Variants in TEX10 observed in about 807,000 individuals in gnomAD.
The protein encoded by TEX10 is testis-expressed protein 10.
In TEX10, 24 loss-of-function variants were observed where a neutral mutation model predicts 104.4. The observed-to-expected ratio is 0.23, with a 90% CI of 0.17 to 0.32. The LOEUF (loss-of-function observed/expected upper bound fraction) is 0.32, where lower values mean the gene tolerates loss of function less well. Among genes scored for constraint, TEX10 ranks in the 10% least tolerant of loss-of-function variants. The pLI is 1.00. For missense variants in TEX10, 921 were observed against 1,083.9 expected, an observed-to-expected ratio of 0.85 and a Z score of 2.11; for synonymous variants, 396 against 393.4, an observed-to-expected ratio of 1.01 and a Z score of -0.08.
intron 9 of TEX10, among the ~76,000 whole-genome samples, chr9:100,324,739 A>C (rs1397204326): frequency 6.6e-6 from 1 of 152,224 alleles, no homozygotes; most frequent in Non-Finnish European, 1.5e-5. Flanking sequence ...CAATTTCAAG[A>C]AACATTCAAG....
intron 11 of TEX10, among the ~76,000 whole-genome samples, chr9:100,316,446 A>G (rs897754441): frequency 1.3e-5 from 2 of 152,230 alleles, no homozygotes; most frequent in Non-Finnish European, 2.9e-5. Context: ...AAAGTTGGAA[A>G]GATTTCTTGT....
intron 9 of TEX10, among the ~76,000 whole-genome samples, chr9:100,323,396 T>C (rs1325143016): frequency 6.6e-6 from 1 of 152,170 alleles, no homozygotes; most frequent in East Asian, 1.9e-4. Context: ...AACTTCTTGG[T>C]GCAAGCCAAT....
Position 100,320,282 on chromosome 9 carries a change from G to T in TEX10, c.2185C>A (p.His729Asn). 6.2e-7 allele frequency: 1 copy of T among 1,611,052 alleles called. No individual in the cohort carries two copies. The highest frequency in any genetic ancestry group is 8.5e-7 in the Non-Finnish European group (1 of 1,178,634). Residue 729 changes from histidine to asparagine, a missense_variant, in exon 11 of 15, where the codon CAC becomes AAC. Coordinates refer to ENST00000374902, the MANE Select transcript of TEX10 (RefSeq NM_017746.4). ...ACTATTACCTCTGTTACATCCCAGT[G>T]GTGTAAAAATTGATCCAAATCTGTA... The part of the protein sequence containing the change: ...YLTDLDQFLH[H>N]WDVTEAVFHS...
intron 5 of TEX10, among the ~76,000 whole-genome samples, chr9:100,333,628 C>A (rs1373598255): frequency 1.8e-5 from 2 of 113,760 alleles, no homozygotes; most frequent in African/African-American, 3.8e-5. Context: ...CATAAGAAGA[C>A]CCCATCATAA....
intron 5 of TEX10, among the ~76,000 whole-genome samples, chr9:100,339,294 T>TATATATATACAC (rs1835105936): frequency 8.0e-6 from 1 of 125,174 alleles, no homozygotes; most frequent in South Asian, 2.5e-4. Flanking sequence ...TATATATACA[T>TATATATATACAC]ATATATATAC....
chr9:100,337,768 T>C (rs1835048339), intron 5 of TEX10, among the ~76,000 whole-genome samples: 1 of 152,180 alleles, frequency 6.6e-6, no homozygotes, highest in Admixed American at 6.5e-5. Context: ...TTGTATGCTA[T>C]CTCCTCTAGT....
chr9:100,336,658 A>G (rs1439537681), intron 5 of TEX10, among the ~76,000 whole-genome samples: 1 of 152,202 alleles, frequency 6.6e-6, no homozygotes, highest in Non-Finnish European at 1.5e-5. Flanking sequence ...AATAAAGCGC[A>G]CAATAAATGT....
chr9:100,302,346 T>C lies in TEX10; in HGVS notation c.2677-42A>G, dbSNP rs773206028. The C allele has an allele frequency of 1.6e-5, 22 of 1,396,844 alleles. No individual in the cohort carries two copies. In the Admixed American group the frequency reaches 2.6e-4, roughly 16 times the overall value. The allele number at this position is 1,396,844 out of a possible 1,614,324, so 86.5% of individuals were successfully genotyped here. A position where few individuals can be genotyped will look rare whatever the true frequency, so the allele number is the denominator to read the frequency against. The stretch of plus-strand genomic sequence containing the variant: ...GAGTAATCTGAGAACTGCACCCAAA[T>C]CACTATGCTACCTGACAGTATTTTT... On this transcript the variant is annotated intron_variant, in intron 14 of 14. Coordinates refer to ENST00000374902, the MANE Select transcript of TEX10 (RefSeq NM_017746.4).
intron 4 of TEX10, among the ~76,000 whole-genome samples, chr9:100,345,346 A>G (rs1429837298): frequency 6.6e-6 from 1 of 152,232 alleles, no homozygotes; most frequent in Non-Finnish European, 1.5e-5. Flanking sequence ...GACTCATTCT[A>G]AACTTCAACT....
intron 5 of TEX10, 21 bp from the exon 6 acceptor site, chr9:100,330,190 A>C: frequency 2.0e-6 from 3 of 1,510,456 alleles, no homozygotes; most frequent in Non-Finnish European, 2.7e-6. Flanking sequence ...AGACACACAC[A>C]TCTATAAAGC....
Position 100,310,322 on chromosome 9 carries a change from G to C in TEX10, c.2260C>G (p.Gln754Glu). 1 of 1,614,112 alleles carries C rather than the reference G, an allele frequency of 6.2e-7. No individual in the cohort carries two copies. Among genetic ancestry groups the C allele is most frequent in the Non-Finnish European group, 8.5e-7 (1 of 1,180,002 alleles). Residue 754 changes from glutamine (Q) to glutamate (E), a missense_variant, in exon 12 of 15, where the codon CAA becomes GAA. Transcript: ENST00000374902. ...PARSQNFDILQSAISKHLVGL... is the reference protein window; with the variant it reads ...PARSQNFDILESAISKHLVGL... ...ACCAAATGCTTACTGATGGCACTTT[G>C]CAAGATGTCAAAGTTCTGACTTCGG...
rs1228623283 is a variant in TEX10 at position 100,337,705 on chromosome 9, C to CA, written c.1250+2551dup. 2.6e-5 allele frequency among the ~76,000 whole-genome samples: 4 copies of CA among 152,204 alleles called. No individual in the cohort carries two copies. The East Asian group carries it at 7.7e-4, about 29-fold the overall frequency. On this transcript the variant is annotated intron_variant, in intron 5 of 14. Coordinates refer to ENST00000374902, the MANE Select transcript of TEX10 (RefSeq NM_017746.4). ...ATCAAGGCCAGTGAAGAGCAGAAAT[C>CA]AGACTGGACCCAGATCCACGCTCTC...
chr9:100,351,698 C>A lies in TEX10; in HGVS notation c.-10+1074G>T, dbSNP rs187925940. Among the ~76,000 whole-genome samples the A allele has an allele frequency of 1.3e-3, 201 of 152,318 alleles. 2 individuals are homozygous for A. The highest frequency in any genetic ancestry group is 3.4e-3 in the Middle Eastern group (1 of 294). ...ATTATCTATCGCTTTGTATTAGTCACATTAATGCTTTCTCTGTTAGGAAAA... is the reference window on the plus strand; with the variant it reads ...ATTATCTATCGCTTTGTATTAGTCAAATTAATGCTTTCTCTGTTAGGAAAA... On this transcript the variant is annotated intron_variant, in intron 1 of 14. Coordinates refer to ENST00000374902, the MANE Select transcript of TEX10 (RefSeq NM_017746.4).
At chr9:100,332,080 C>T (rs370576397) in intron 5 of TEX10, among the ~76,000 whole-genome samples, 8 of 152,126 alleles carry the variant, frequency 5.3e-5, no homozygotes, top group Non-Finnish European at 7.4e-5. Context: ...CAAATCCAGA[C>T]GGAGATGGCC....
chr9:100,310,047 C>T (rs1298896802), intron 12 of TEX10, among the ~76,000 whole-genome samples: 1 of 152,146 alleles, frequency 6.6e-6, no homozygotes, highest in East Asian at 1.9e-4. Context: ...ATTTTCAGGT[C>T]CCTTATTTCA....
intron 3 of TEX10, 131 bp from the exon 4 acceptor site, chr9:100,346,446 A>G: frequency 2.6e-6 from 3 of 1,150,130 alleles, no homozygotes; most frequent in South Asian, 1.8e-5. Context: ...AATCAAAACT[A>G]GTAAGAAAAA....
intron 13 of TEX10, 68 bp from the exon 14 acceptor site, chr9:100,303,910 C>T (rs1313721290): frequency 6.9e-7 from 1 of 1,453,188 alleles, no homozygotes; most frequent in Non-Finnish European, 9.5e-7. Context: ...CTTCTATATT[C>T]CCCCAAAGTG....
At position 100,302,282 on chromosome 9, in the gene TEX10, T is replaced by A. The variant is rs1173207968; in HGVS notation, c.2699A>T (p.Gln900Leu). The A allele has an allele frequency of 1.9e-6, 3 of 1,613,340 alleles. No individual in the cohort carries two copies. The highest frequency in any genetic ancestry group is 1.7e-6 in the Non-Finnish European group (2 of 1,179,632). ...NITTLKSGSV[Q>L]EQWLTDLHYC... Reference sequence around the variant, plus strand: ...ATGTAAGTCTGTGAGCCACTGTTCCTGAACACTTCCACTCTTCAATGTCTG... The same window carrying A: ...ATGTAAGTCTGTGAGCCACTGTTCCAGAACACTTCCACTCTTCAATGTCTG... The change falls in exon 15 of 15, where the codon CAG (glutamine) becomes CTG (leucine). Residue 900 changes from glutamine (Q) to leucine (L), a missense_variant. Gln to Leu is a moderately radical substitution (Grantham distance 113). Around this residue, in one of 3 missense-constraint regions of TEX10, gnomAD observed 753 missense variants for 868.4 expected, o/e 0.87. Transcript: ENST00000374902.
rs568592255 is a variant in TEX10, at chr9:100,348,792, C to A, written c.180+392G>T. On this transcript the variant is annotated intron_variant, in intron 2 of 14. Coordinates refer to ENST00000374902, the MANE Select transcript of TEX10 (RefSeq NM_017746.4). ...CAGGCATGGTGACGCTCGCCTGCAG[C>A]CCCAGCTACTTGGGAGGCTGAAGTA... 9.9e-5 allele frequency among the ~76,000 whole-genome samples: 15 copies of A among 152,132 alleles called. No homozygotes were observed. The South Asian group carries it at 1.2e-3, about 13-fold the overall frequency.
Sources: allele counts gnomAD v4.1 joint callset (sites outside exome capture counted in the v4.1 genomes callset), GRCh38; gene constraint gnomAD v4.1.1; regional missense constraint gnomAD v4.1.1; transcripts MANE v1.5; gene names NCBI Gene and HGNC (gene_info 2026-07-23, HGNC 2026-07-21).